The following CSMD3 variants were observed in gnomAD, a reference collection of about 807,000 sequenced individuals.
CSMD3 encodes the protein CUB and Sushi multiple domains 3.
Under a neutral mutation model 435.2 loss-of-function variants are expected in CSMD3, and 177 were observed. The observed-to-expected ratio is 0.41, with a 90% CI of 0.36 to 0.46. CSMD3 has a LOEUF of 0.46. Ranked by LOEUF, CSMD3 falls within the 20% of genes least tolerant of loss-of-function variation. The pLI is 0.34. For synonymous variants in CSMD3, 1,656 were observed against 1,520.5 expected (o/e 1.09, Z -2.07); for missense variants, 4,265 against 4,504.6 (o/e 0.95, Z 1.52).
chr8:113,293,987 A>G (rs913439590), intron 2 of CSMD3, among the ~76,000 whole-genome samples: 15 of 152,086 alleles, frequency 9.9e-5, no homozygotes, highest in Non-Finnish European at 7.4e-5. Flanking sequence ...ATGATATTCT[A>G]TCTCCATTGA....
intron 2 of CSMD3, among the ~76,000 whole-genome samples, chr8:113,279,935 T>C (rs1471276112): frequency 6.6e-6 from 1 of 151,968 alleles, no homozygotes; most frequent in African/African-American, 2.4e-5. Context: ...ACGTGAATTT[T>C]GTTTTTAATT....
chr8:112,921,738 C>G lies in CSMD3; in HGVS notation c.1522G>C (p.Val508Leu), dbSNP rs2082749993. The G allele has an allele frequency of 1.2e-6, 2 of 1,608,600 alleles. No individual in the cohort carries two copies. The highest frequency in any genetic ancestry group is 1.7e-6 in the Non-Finnish European group (2 of 1,175,378). Reference sequence around the variant, plus strand: ...TAATCTTCATCACAAGAGAACTGCACAGTTGATCCAAGGCTAAAGTTAAAT... The same window carrying G: ...TAATCTTCATCACAAGAGAACTGCAGAGTTGATCCAAGGCTAAAGTTAAAT... Reference protein sequence around the residue: ...IGSDFSLGSTVQFSCDEDYVL... With the variant: ...IGSDFSLGSTLQFSCDEDYVL... Residue 508 changes from valine (V) to leucine (L), a missense_variant, in exon 10 of 71, where the codon GTG (valine) becomes CTG (leucine). By Grantham distance (32) the Val-to-Leu change is conservative. This residue lies in a region of CSMD3 where 731 missense variants were observed against 755.4 expected (regional missense o/e 0.97). Coordinates refer to ENST00000297405, the MANE Select transcript of CSMD3 (RefSeq NM_198123.2).
At chr8:113,240,218 T>C (rs565877066) in intron 3 of CSMD3, among the ~76,000 whole-genome samples, 4 of 152,312 alleles carry the variant, frequency 2.6e-5, no homozygotes, top group East Asian at 1.9e-4. Context: ...TAGTATTCCA[T>C]GGTGTACATG....
At chr8:112,382,700 A>G (rs1313709180) in intron 37 of CSMD3, among the ~76,000 whole-genome samples, 2 of 152,198 alleles carry the variant, frequency 1.3e-5, no homozygotes, top group African/African-American at 4.8e-5. Context: ...TTAAACCTCA[A>G]TAAATCTGGC....
At chr8:112,937,901 A>T (rs893743147) in intron 9 of CSMD3, among the ~76,000 whole-genome samples, 3 of 152,184 alleles carry the variant, frequency 2.0e-5, no homozygotes, top group African/African-American at 4.8e-5. Context: ...TAGCATCAGC[A>T]TTCAAAAATA....
At chr8:112,984,430 C>A (rs1209207465) in intron 6 of CSMD3, among the ~76,000 whole-genome samples, 1 of 151,874 alleles carries the variant, frequency 6.6e-6, no homozygotes, top group African/African-American at 2.4e-5. Flanking sequence ...TAAAATTTAG[C>A]CATAAAATGT....
At chr8:112,766,003 C>A (rs886334702) in intron 13 of CSMD3, among the ~76,000 whole-genome samples, 3 of 151,622 alleles carry the variant, frequency 2.0e-5, no homozygotes, top group African/African-American at 7.3e-5. Context: ...GCTAACCTTC[C>A]CCATACTGCT....
At position 112,966,584 on chromosome 8, in the gene CSMD3, C is replaced by T. The variant is rs140380472; in HGVS notation, c.1342+9253G>A. 4.5e-4 allele frequency among the ~76,000 whole-genome samples: 68 copies of T among 150,956 alleles called. 1 individual carries two copies. In the East Asian group the frequency reaches 0.012, roughly 27 times the overall value. On this transcript the variant is annotated intron_variant, in intron 7 of 70. Transcript: ENST00000297405. ...AAACTAAACCCTGATGTATTTTTCTCTTTGTTATTTGATACATTGAAAAAT... is the reference window on the plus strand; with the variant it reads ...AAACTAAACCCTGATGTATTTTTCTTTTTGTTATTTGATACATTGAAAAAT...
intron 16 of CSMD3, among the ~76,000 whole-genome samples, chr8:112,679,160 T>C (rs2075832544): frequency 6.6e-6 from 1 of 151,762 alleles, no homozygotes. Context: ...GCTTTAATTG[T>C]TAGTACCTAA....
At chr8:113,407,420 C>A (rs1001681462) in intron 1 of CSMD3, among the ~76,000 whole-genome samples, 1 of 152,128 alleles carries the variant, frequency 6.6e-6, no homozygotes, top group East Asian at 1.9e-4. Flanking sequence ...TAAATTGGTA[C>A]CCATGATGAG....
intron 10 of CSMD3, among the ~76,000 whole-genome samples, chr8:112,902,868 T>A (rs1396622139): frequency 6.6e-6 from 1 of 150,798 alleles, no homozygotes; most frequent in Non-Finnish European, 1.5e-5. Context: ...GCATTGAGAG[T>A]TGTTGAGAGT....
chr8:112,675,047 A>C (rs912791069), intron 16 of CSMD3, among the ~76,000 whole-genome samples: 3 of 152,238 alleles, frequency 2.0e-5, no homozygotes, highest in Admixed American at 2.0e-4. Context: ...GCTAGAACCC[A>C]CTTAAGCTCT....
chr8:113,193,957 A>C (rs2092619738), intron 3 of CSMD3, among the ~76,000 whole-genome samples: 1 of 151,418 alleles, frequency 6.6e-6, no homozygotes, highest in Non-Finnish European at 1.5e-5. Flanking sequence ...ATTTAAATTT[A>C]CTTCAGTGTA....
chr8:112,316,897 AATG>A (rs1822529867), intron 47 of CSMD3, among the ~76,000 whole-genome samples: 1 of 151,948 alleles, frequency 6.6e-6, no homozygotes, highest in Non-Finnish European at 1.5e-5. Flanking sequence ...AGAGAAGAAA[AATG>A]ATACTACTAC....
At chr8:113,238,265 C>T (rs577295994) in intron 3 of CSMD3, among the ~76,000 whole-genome samples, 9 of 152,188 alleles carry the variant, frequency 5.9e-5, no homozygotes, top group Admixed American at 1.3e-4. Context: ...TCTAGGTCAA[C>T]CTTTTTAAGG....
At chr8:112,718,586 C>T (rs2076787568) in intron 13 of CSMD3, among the ~76,000 whole-genome samples, 1 of 151,184 alleles carries the variant, frequency 6.6e-6, no homozygotes, top group Non-Finnish European at 1.5e-5. Flanking sequence ...AAAAGTATCA[C>T]AAAACAAAAC....
In CSMD3 at chr8:113,226,819, G is replaced by A. The variant is rs1048526970; in HGVS notation, c.514+51773C>T. Among the ~76,000 whole-genome samples, 44 of 151,562 alleles carry A rather than the reference G, an allele frequency of 2.9e-4. 2 individuals carry two copies. Among genetic ancestry groups the A allele is most frequent in the Admixed American group, 2.7e-3 (41 of 15,148 alleles). On this transcript the variant is annotated intron_variant, in intron 3 of 70. Coordinates refer to ENST00000297405, the MANE Select transcript of CSMD3 (RefSeq NM_198123.2). ...CCTTTCTGCAACTGCTTCCTTATAT[G>A]AACAATAGGTATAACAATTGTCTTT...
intron 1 of CSMD3, among the ~76,000 whole-genome samples, chr8:113,352,692 C>T (rs1046409231): frequency 2.0e-5 from 3 of 151,812 alleles, no homozygotes; most frequent in East Asian, 1.9e-4. Context: ...CTGGAACAGA[C>T]AAGACAAAGA....
intron 6 of CSMD3, among the ~76,000 whole-genome samples, chr8:112,978,746 G>T (rs1476694142): frequency 1.3e-5 from 2 of 151,744 alleles, no homozygotes; most frequent in Non-Finnish European, 2.9e-5. Context: ...CTTATATATT[G>T]TGTTCATATT....
Sources: gnomAD v4.1 joint callset for allele counts (sites outside exome capture counted in the v4.1 genomes callset) on GRCh38, gnomAD v4.1.1 for gene constraint, gnomAD v4.1.1 regional missense constraint, MANE v1.5 for transcripts, NCBI Gene and HGNC (gene_info 2026-07-23, HGNC 2026-07-21) for gene names.